The following TRPC4AP variants were observed in gnomAD, a reference collection of about 807,000 sequenced individuals.
TRPC4AP encodes short transient receptor potential channel 4-associated protein.
TRPC4AP carries 45 observed loss-of-function variants against 99.0 expected under a neutral mutation model. The observed-to-expected ratio is 0.45, with a 90% CI of 0.36 to 0.58. The LOEUF (loss-of-function observed/expected upper bound fraction) is 0.58, where lower values mean the gene tolerates loss of function less well. TRPC4AP is among the 20% of genes least tolerant of loss of function. The pLI is 0.00. For missense variants in TRPC4AP, 879 were observed against 985.3 expected, an observed-to-expected ratio of 0.89 and a Z score of 1.44; for synonymous variants, 408 against 385.8, an observed-to-expected ratio of 1.06 and a Z score of -0.67.
chr20:35,086,471 G>A (rs202081802), intron 1 of TRPC4AP, among the ~76,000 whole-genome samples: 18,626 of 82,642 alleles, frequency 0.23, 2,645 homozygotes, highest in Middle Eastern at 0.4. Context: ...GTGTGTGTGT[G>A]TGTGTATGTG....
chr20:35,033,305 T>C (rs917038379), intron 8 of TRPC4AP, among the ~76,000 whole-genome samples: 2 of 152,210 alleles, frequency 1.3e-5, no homozygotes, highest in Non-Finnish European at 2.9e-5. Flanking sequence ...GGTTAGACTA[T>C]TTTCGTAAAG....
At chr20:35,047,837 T>C (rs991672924) in intron 6 of TRPC4AP, among the ~76,000 whole-genome samples, 2 of 152,180 alleles carry the variant, frequency 1.3e-5, no homozygotes, top group Admixed American at 1.3e-4. Context: ...CCCACAAGTG[T>C]GTCCAGGCAC....
chr20:35,010,162 G>A (rs1290455519), intron 12 of TRPC4AP, 25 bp downstream of exon 12: 1 of 1,609,936 alleles, frequency 6.2e-7, no homozygotes, highest in Non-Finnish European at 8.5e-7. Flanking sequence ...ATGGGCTGAG[G>A]GAAAAGCTGC....
chr20:35,083,864 C>T (rs1316222018), intron 1 of TRPC4AP, among the ~76,000 whole-genome samples: 1 of 151,598 alleles, frequency 6.6e-6, no homozygotes, highest in Non-Finnish European at 1.5e-5. Flanking sequence ...AGAGAAGTCC[C>T]AAGAACTCAG....
chr20:35,090,614 T>C (rs971910193), intron 1 of TRPC4AP, among the ~76,000 whole-genome samples: 2 of 152,044 alleles, frequency 1.3e-5, no homozygotes, highest in African/African-American at 4.8e-5. Flanking sequence ...CCTCAGATGA[T>C]CCACCCGCCT....
At chr20:35,008,879 C>T (rs959108503) in intron 12 of TRPC4AP, 132 bp from the exon 13 acceptor site, 38 of 767,070 alleles carry the variant, frequency 5.0e-5, no homozygotes, top group Admixed American at 2.4e-4. Context: ...CTTCCTGCTC[C>T]AACTGGGTCC....
intron 17 of TRPC4AP, among the ~76,000 whole-genome samples, 153 bp from the exon 18 acceptor site, chr20:35,003,769 G>A (rs11906803): frequency 3.3e-5 from 5 of 152,076 alleles, no homozygotes; most frequent in African/African-American, 1.2e-4. Flanking sequence ...AGGACTGGGG[G>A]AAGGGGGCCC....
chr20:35,039,140 A>G (rs529223845), intron 7 of TRPC4AP, among the ~76,000 whole-genome samples: 1 of 152,282 alleles, frequency 6.6e-6, no homozygotes, highest in African/African-American at 2.4e-5. Context: ...GAAAATCTTC[A>G]CATAGCTGGA....
Position 35,002,412 on chromosome 20 carries a change from A to AAAAT in TRPC4AP, c.*730_*733dup, listed in dbSNP as rs1254556454. ...AGCCAGGTCCACAGCAGTCATTTTT[A>AAAAT]AAATAAAGTTATTTAATAGTCTCCA... is the stretch of plus-strand genomic sequence containing the variant. On this transcript the variant is annotated 3_prime_UTR_variant, in exon 19 of 19. Transcript: ENST00000252015. The AAAAT allele has an allele frequency of 1.4e-5, 6 of 426,286 alleles. No individual in the cohort carries two copies. Among genetic ancestry groups the AAAAT allele is most frequent in the Non-Finnish European group, 2.0e-5 (5 of 245,498 alleles). The allele number at this position is 426,286 out of a possible 1,614,324, so 26.4% of individuals were successfully genotyped here.
intron 8 of TRPC4AP, among the ~76,000 whole-genome samples, chr20:35,025,611 A>T (rs1163520818): frequency 6.6e-6 from 1 of 151,932 alleles, no homozygotes; most frequent in Non-Finnish European, 1.5e-5. Context: ...GGGTTTTTTT[A>T]TTATTGTTAT....
intron 3 of TRPC4AP, among the ~76,000 whole-genome samples, chr20:35,058,165 A>T (rs1020836286): frequency 3.9e-5 from 6 of 152,276 alleles, no homozygotes; most frequent in Non-Finnish European, 8.8e-5. Flanking sequence ...CCAAAAATAC[A>T]TGAAACAAAA....
chr20:35,059,348 A>C (rs1011024349), intron 3 of TRPC4AP, among the ~76,000 whole-genome samples: 1 of 152,186 alleles, frequency 6.6e-6, no homozygotes, highest in African/African-American at 2.4e-5. Context: ...GAAAGACATA[A>C]AACTAAAAAC....
At chr20:35,011,600 G>C (rs7273734) in intron 11 of TRPC4AP, among the ~76,000 whole-genome samples, 21,177 of 152,196 alleles carry the variant, frequency 0.14, 1,855 homozygotes, top group African/African-American at 0.25. Flanking sequence ...TGGACCATCT[G>C]TATATAAAAT....
intron 11 of TRPC4AP, among the ~76,000 whole-genome samples, chr20:35,012,146 T>C (rs1171600704): frequency 6.6e-6 from 1 of 152,230 alleles, no homozygotes; most frequent in Non-Finnish European, 1.5e-5. Flanking sequence ...GTTAACATGC[T>C]TCCTGGAGCC....
Position 35,053,498 on chromosome 20 carries a change from T to C in TRPC4AP, c.528+1478A>G, listed in dbSNP as rs1029162717. ...CTTCTTCTATAAGGACAATTTCTTA[T>C]TGGCCTTAGTTGCAAGAACTGTGCA... On this transcript the variant is annotated intron_variant, in intron 5 of 18. Transcript: ENST00000252015. Among the ~76,000 whole-genome samples the C allele has an allele frequency of 1.9e-4, 29 of 152,228 alleles. 1 individual carries two copies. Among genetic ancestry groups the C allele is most frequent in the Admixed American group, 7.2e-4 (11 of 15,282 alleles).
intron 5 of TRPC4AP, among the ~76,000 whole-genome samples, chr20:35,053,427 G>A (rs2083749520): frequency 6.6e-6 from 1 of 152,170 alleles, no homozygotes; most frequent in Admixed American, 6.5e-5. Context: ...TAAAACTAGT[G>A]ACTATATGGA....
chr20:35,010,097 C>G, intron 12 of TRPC4AP, 90 bp downstream of exon 12: 1 of 1,000,406 alleles, frequency 1.0e-6, no homozygotes, highest in Non-Finnish European at 1.6e-6. Flanking sequence ...AGAGGACACG[C>G]GTGCATACCT....
intron 3 of TRPC4AP, among the ~76,000 whole-genome samples, chr20:35,063,095 T>G (rs563487715): frequency 6.6e-6 from 1 of 152,354 alleles, no homozygotes; most frequent in South Asian, 2.1e-4. Context: ...CCCCATGCTG[T>G]TCTCGTGATA....
rs200574010 is a variant in TRPC4AP at position 35,048,210 on chromosome 20, CTG to C, written c.657+1654_657+1655del. On this transcript the variant is annotated intron_variant, in intron 6 of 18. Transcript: ENST00000252015. ...TTTTTCATGCTGATTTGTAAGAATT[CTG>C]TTTTTTTTTTTTTTTTTGAGAGGGA... Among the ~76,000 whole-genome samples the C allele has an allele frequency of 6.8e-3, 623 of 91,420 alleles. 59 individuals are homozygous for C. Among genetic ancestry groups the C allele is most frequent in the African/African-American group, 0.014 (358 of 25,524 alleles). The allele number at this position is 91,420 out of a possible 152,430, so 60.0% of individuals were successfully genotyped here. A position where few individuals can be genotyped will look rare whatever the true frequency, so the allele number is the denominator to read the frequency against.
Sources: allele counts gnomAD v4.1 joint callset (sites outside exome capture counted in the v4.1 genomes callset), GRCh38; gene constraint gnomAD v4.1.1; transcripts MANE v1.5; gene names NCBI Gene and HGNC (gene_info 2026-07-23, HGNC 2026-07-21).